The following ZNF782 variants were observed in gnomAD, a reference collection of about 807,000 sequenced individuals.
ZNF782 encodes zinc finger protein 782.
Under a neutral mutation model 13.0 loss-of-function variants are expected in ZNF782, and 12 were observed. The ratio of observed to expected loss-of-function variants is 0.92; its 90% CI spans 0.59 to 1.50. ZNF782 has a LOEUF of 1.50. ZNF782 is among the 40% of genes most tolerant of loss of function. ZNF782 has a pLI of 0.00. For synonymous variants in ZNF782, 284 were observed against 283.0 expected (o/e 1.00, Z -0.04); for missense variants, 770 against 822.9 (o/e 0.94, Z 0.79).
chr9:96,898,839 G>A, the ZNF782 span, among the ~76,000 whole-genome samples: 3 of 148,938 alleles, frequency 2.0e-5, no homozygotes, highest in Non-Finnish European at 4.4e-5. Flanking sequence ...CTCCCAAAGT[G>A]CTGGGATTAC....
At chr9:96,839,322 G>A (rs1291549129) in intron 4 of ZNF782, among the ~76,000 whole-genome samples, 12 of 146,912 alleles carry the variant, frequency 8.2e-5, no homozygotes, top group Admixed American at 6.8e-5. Flanking sequence ...GGTGTTTCAG[G>A]CTGATACATT....
chr9:96,820,992 T>C (rs1313696455), intron 5 of ZNF782, among the ~76,000 whole-genome samples: 2 of 152,258 alleles, frequency 1.3e-5, no homozygotes, highest in Non-Finnish European at 2.9e-5. Flanking sequence ...TTTTATTGAC[T>C]ATGTGAACCT....
At chr9:96,832,043 A>G (rs1158943540) in intron 4 of ZNF782, among the ~76,000 whole-genome samples, 1 of 151,832 alleles carries the variant, frequency 6.6e-6, no homozygotes, top group Admixed American at 6.6e-5. Flanking sequence ...GTTCCCTTGA[A>G]TTTTTATTCA....
At chr9:96,849,476 G>T (rs1851432263) in intron 3 of ZNF782, among the ~76,000 whole-genome samples, 1 of 152,194 alleles carries the variant, frequency 6.6e-6, no homozygotes, top group Non-Finnish European at 1.5e-5. Context: ...GCAGAATAAT[G>T]AAACTGGATC....
At chr9:96,843,232 G>C (rs954342127) in intron 4 of ZNF782, among the ~76,000 whole-genome samples, 1 of 152,100 alleles carries the variant, frequency 6.6e-6, no homozygotes, top group South Asian at 2.1e-4. Flanking sequence ...CAAAAAATCT[G>C]AACATGAATG....
At chr9:96,874,823 G>A (rs1340816489) in intron 1 of ZNF782, among the ~76,000 whole-genome samples, 1 of 152,168 alleles carries the variant, frequency 6.6e-6, no homozygotes, top group Non-Finnish European at 1.5e-5. Flanking sequence ...ACCAGGGCCT[G>A]GGAAACAAAT....
chr9:96,919,228 G>A, the ZNF782 span: 1 of 123,734 alleles, frequency 8.1e-6, no homozygotes, highest in Non-Finnish European at 1.7e-5. Flanking sequence ...CCATCACCAA[G>A]TGTTCTTCCC....
At chr9:96,894,307 C>A in the ZNF782 span, 1 of 151,868 alleles carries the variant, frequency 6.6e-6, no homozygotes, top group Admixed American at 6.6e-5. Flanking sequence ...CAAACCTGCA[C>A]GTTGTGCACA....
chr9:96,894,284 T>G, the ZNF782 span: 2 of 151,846 alleles, frequency 1.3e-5, no homozygotes, highest in African/African-American at 4.8e-5. Flanking sequence ...ATGGCACATG[T>G]ATACATATGT....
chr9:96,865,889 C>T (rs754833121), intron 1 of ZNF782, among the ~76,000 whole-genome samples: 1 of 152,106 alleles, frequency 6.6e-6, no homozygotes, highest in African/African-American at 2.4e-5. Flanking sequence ...TTTCGCCCCA[C>T]CCTAGAGATT....
intron 1 of ZNF782, among the ~76,000 whole-genome samples, chr9:96,870,497 A>G (rs897335149): frequency 7.2e-5 from 11 of 152,202 alleles, no homozygotes; most frequent in African/African-American, 2.4e-4. Context: ...AGTTAACTCA[A>G]GGACAACTAG....
chr9:96,833,571 G>A (rs1343756966), intron 4 of ZNF782, among the ~76,000 whole-genome samples: 2 of 152,180 alleles, frequency 1.3e-5, no homozygotes, highest in Non-Finnish European at 2.9e-5. Context: ...ATCTCATCAA[G>A]GGAATATGCC....
At chr9:96,834,213 G>A (rs146424239) in intron 4 of ZNF782, among the ~76,000 whole-genome samples, 330 of 152,276 alleles carry the variant, frequency 2.2e-3, no homozygotes, top group African/African-American at 7.8e-3. Flanking sequence ...TCATAGGGAC[G>A]GTTTCCCCCA....
At chr9:96,927,119 A>G in the ZNF782 span, among the ~76,000 whole-genome samples, 1 of 152,176 alleles carries the variant, frequency 6.6e-6, no homozygotes, top group Non-Finnish European at 1.5e-5. Context: ...ATTTTTTTAA[A>G]GACAGGCTAC....
the ZNF782 span, among the ~76,000 whole-genome samples, chr9:96,907,849 C>T: frequency 0.1 from 14,707 of 144,566 alleles, 130 homozygotes; most frequent in East Asian, 0.42. Flanking sequence ...CCATGTTGGC[C>T]AGGCTGGTCT....
chr9:96,841,607 G>A (rs1342396023), intron 4 of ZNF782, among the ~76,000 whole-genome samples: 1 of 151,848 alleles, frequency 6.6e-6, no homozygotes, highest in Non-Finnish European at 1.5e-5. Context: ...TACATTAATG[G>A]AGTAATGAAG....
At chr9:96,891,572 T>TC in the ZNF782 span, 1 of 151,884 alleles carries the variant, frequency 6.6e-6, no homozygotes, top group Non-Finnish European at 1.5e-5. Flanking sequence ...TTTTTTTTTT[T>TC]TTTTTGAGAT....
intron 5 of ZNF782, among the ~76,000 whole-genome samples, chr9:96,825,918 T>C (rs1850601524): frequency 6.6e-6 from 1 of 150,648 alleles, no homozygotes. Context: ...GGAGAGGATG[T>C]GGAGAAATAG....
chr9:96,860,843 G>A (rs943825054), intron 2 of ZNF782, among the ~76,000 whole-genome samples: 13 of 152,330 alleles, frequency 8.5e-5, no homozygotes, highest in African/African-American at 3.1e-4. Flanking sequence ...ATGGGGAAAT[G>A]ACAGTCTCGC....
Sources: gnomAD v4.1 joint callset for allele counts (sites outside exome capture counted in the v4.1 genomes callset) on GRCh38, gnomAD v4.1.1 for gene constraint, MANE v1.5 for transcripts, NCBI Gene and HGNC (gene_info 2026-07-23, HGNC 2026-07-21) for gene names.